Variants in TNFRSF14 observed in about 807,000 individuals in gnomAD.
TNFRSF14 encodes TNF receptor superfamily member 14, also known as tumor necrosis factor receptor superfamily member 14.
A neutral mutation model predicts 34.1 loss-of-function variants in TNFRSF14; 18 were observed. That is an observed-to-expected ratio of 0.53 (90% CI 0.36 to 0.78). The LOEUF is 0.78. Ranked by LOEUF, TNFRSF14 falls within the 30% of genes least tolerant of loss-of-function variation. The pLI, the probability that TNFRSF14 is intolerant of heterozygous loss-of-function variation, is 0.00. For synonymous variants in TNFRSF14, 157 were observed against 153.2 expected (o/e 1.02, Z -0.18); for missense variants, 352 against 379.5 (o/e 0.93, Z 0.60).
rs760953151 is a variant in TNFRSF14, at chr1:2,556,649, G to A, written c.-16G>A. On this transcript the variant is annotated 5_prime_UTR_variant, in exon 1 of 8. Transcript: ENST00000355716. Reference sequence around the variant, plus strand: ...CTGCTAGCTGGGTTCCCGAGCTGCCGGTCTGAGCCTGAGGCATGGAGCCTC... The same window carrying A: ...CTGCTAGCTGGGTTCCCGAGCTGCCAGTCTGAGCCTGAGGCATGGAGCCTC... The A allele has an allele frequency of 8.7e-6, 14 of 1,608,814 alleles. No individual in the cohort carries two copies. The highest frequency in any genetic ancestry group is 1.6e-4 in the Middle Eastern group (1 of 6,070).
rs952917038 is a variant in TNFRSF14, at chr1:2,562,131, G to A, written c.694+316G>A. 3.8e-5 allele frequency: 16 copies of A among 425,932 alleles called. 1 individual carries two copies. Among genetic ancestry groups the A allele is most frequent in the South Asian group, 2.3e-4 (6 of 26,516 alleles). The allele number at this position is 425,932 out of a possible 1,614,324, so 26.4% of individuals were successfully genotyped here. A position where few individuals can be genotyped will look rare whatever the true frequency, so the allele number is the denominator to read the frequency against. ...GAGCAGGACAGGCCCTGCTCAGCTGGGAGAAGCTCTGGGCTGAGGGTCAAC... is the reference window on the plus strand; with the variant it reads ...GAGCAGGACAGGCCCTGCTCAGCTGAGAGAAGCTCTGGGCTGAGGGTCAAC... On this transcript the variant is annotated intron_variant, in intron 6 of 7. Transcript: ENST00000355716.
chr1:2,561,853 A>G lies in TNFRSF14; in HGVS notation c.694+38A>G, dbSNP rs772414404. 6.3e-7 allele frequency: 1 copy of G among 1,596,956 alleles called. No homozygotes were observed. The highest frequency in any genetic ancestry group is 8.6e-7 in the Non-Finnish European group (1 of 1,169,496). On this transcript the variant is annotated intron_variant, in intron 6 of 7. Coordinates refer to ENST00000355716, the MANE Select transcript of TNFRSF14 (RefSeq NM_003820.4). The surrounding 1 kb of genome is among the most constrained non-coding windows in gnomAD (Gnocchi z 6.0). The stretch of plus-strand genomic sequence containing the variant: ...CGGCCCCATCAGGGCTCATGTCCCC[A>G]GCCGTCACCTCTTGGAGCTCTGTCA...
rs1309719895 is a variant in TNFRSF14 at position 2,563,747 on chromosome 1, C to G, written c.*474C>G. ...TGATTTTCTAAATTGGATTTGAATT[C>G]GGCTCCTGTTTTCTATTTGTCATGA... On this transcript the variant is annotated 3_prime_UTR_variant, in exon 8 of 8. Transcript: ENST00000355716. 4.2e-6 allele frequency: 1 copy of G among 237,604 alleles called. No homozygotes were observed. The highest frequency in any genetic ancestry group is 5.9e-5 in the East Asian group (1 of 16,808). The allele number at this position is 237,604 out of a possible 1,614,324, so 14.7% of individuals were successfully genotyped here. A position where few individuals can be genotyped will look rare whatever the true frequency, so the allele number is the denominator to read the frequency against.
intron 3 of TNFRSF14, chr1:2,558,936 C>T (rs1644261662): frequency 1.5e-6 from 2 of 1,365,374 alleles, no homozygotes; most frequent in Non-Finnish European, 1.9e-6. Flanking sequence ...CTGGTGCCCA[C>T]CTGAGTCCAG....
chr1:2,559,054 A>G, intron 3 of TNFRSF14: 1 of 1,369,254 alleles, frequency 7.3e-7, no homozygotes, highest in East Asian at 3.4e-5. Context: ...TGCCAGGCTC[A>G]GCATGGCCAG....
chr1:2,558,821 T>C, intron 3 of TNFRSF14: 1 of 1,327,784 alleles, frequency 7.5e-7, no homozygotes, highest in Non-Finnish European at 9.8e-7. Flanking sequence ...GCTGGGACTC[T>C]CCGGCCGGCA....
rs1644340539 is a variant in TNFRSF14, at chr1:2,563,381, C to G, written c.*108C>G. On this transcript the variant is annotated 3_prime_UTR_variant, in exon 8 of 8. Coordinates refer to ENST00000355716, the MANE Select transcript of TNFRSF14 (RefSeq NM_003820.4). The stretch of plus-strand genomic sequence containing the variant: ...AGCCCGGAGGCTTGGGGGCTCCGCC[C>G]TGGGCTGGCTTCCGTCTCCTCCAGT... 5.2e-6 allele frequency: 8 copies of G among 1,527,600 alleles called. No individual in the cohort carries two copies. Among genetic ancestry groups the G allele is most frequent in the Admixed American group, 2.0e-5 (1 of 49,892 alleles). 94.6% of individuals were successfully genotyped at this position (1,527,600 alleles called of 1,614,324 possible).
At position 2,557,716 on chromosome 1, in the gene TNFRSF14, A is replaced by G; in HGVS notation, c.70-10A>G. On this transcript the variant is annotated splice_polypyrimidine_tract_variant and intron_variant, in intron 1 of 7. Transcript: ENST00000355716. ...AGGGCATCTCCCAATGCCTGTCCTG[A>G]CCCCCTTAGGTGCTGTATCTCACCT... 6.3e-7 allele frequency: 1 copy of G among 1,587,018 alleles called. No homozygotes were observed. Among genetic ancestry groups the G allele is most frequent in the Non-Finnish European group, 8.6e-7 (1 of 1,164,462 alleles).
intron 5 of TNFRSF14, 121 bp downstream of exon 5, chr1:2,560,835 C>A: frequency 1.2e-6 from 1 of 846,480 alleles, no homozygotes; most frequent in Non-Finnish European, 1.9e-6. Flanking sequence ...GAGCGGCACC[C>A]TGGTCACATG....
rs149579135 is a variant in TNFRSF14, at chr1:2,561,507, AG to A, written c.552-165del. ...ACCTCCCCATAGCCGAGCTTGGAAA[AG>A]TCAGACAGACCTCTGAGGTCTCATC... On this transcript the variant is annotated intron_variant, in intron 5 of 7. Transcript: ENST00000355716. The surrounding 1 kb of genome is among the most constrained non-coding windows in gnomAD (Gnocchi z 6.0). 3.7e-4 allele frequency: 569 copies of A among 1,536,412 alleles called. 1 individual carries two copies. In the African/African-American group the frequency reaches 5.4e-3, roughly 14 times the overall value.
rs79549562 is a variant in TNFRSF14, at chr1:2,561,202, G to T, written c.552-471G>T. 5.8e-3 allele frequency: 2,430 copies of T among 421,998 alleles called. 11 individuals are homozygous for T. The highest frequency in any genetic ancestry group is 6.8e-3 in the Non-Finnish European group (1,619 of 237,332). The allele number at this position is 421,998 out of a possible 1,614,324, so 26.1% of individuals were successfully genotyped here. ...GTCCCCCAGCGGAGCCTGGGATGGA[G>T]CAGGGATGGCTGCCCCAGGGAGGGG... On this transcript the variant is annotated intron_variant, in intron 5 of 7. Coordinates refer to ENST00000355716, the MANE Select transcript of TNFRSF14 (RefSeq NM_003820.4). The surrounding 1 kb of genome is among the most constrained non-coding windows in gnomAD (Gnocchi z 6.0).
chr1:2,556,887 A>AC, intron 1 of TNFRSF14, 154 bp downstream of exon 1: 1 of 717,794 alleles, frequency 1.4e-6, no homozygotes, highest in Non-Finnish European at 2.3e-6. Flanking sequence ...GTCAACCCAG[A>AC]CCCCCAGCAC....
In TNFRSF14 at chr1:2,561,795, T is replaced by C; in HGVS notation, c.674T>C (p.Val225Ala). 1 of 1,613,714 alleles carries C rather than the reference T, an allele frequency of 6.2e-7. No homozygotes were observed. The highest frequency in any genetic ancestry group is 8.5e-7 in the Non-Finnish European group (1 of 1,179,942). ...TCCACAGTTGGCCTAATCATATGTG[T>C]GAAAAGAAGAAAGCCAAGGGGTGAG... The part of the protein sequence containing the change: ...VCSTVGLIIC[V>A]KRRKPRGDVV... The change falls in exon 6 of 8, where the codon GTG becomes GCG. Residue 225 changes from valine (V) to alanine (A), a missense_variant. Physicochemically the swap from Val to Ala is moderately conservative, Grantham distance 64. Transcript: ENST00000355716. This position sits in a 1 kb window ranked among gnomAD's most constrained non-coding sequence, Gnocchi z 6.0.
intron 6 of TNFRSF14, chr1:2,562,369 A>G (rs1256080970): frequency 4.4e-6 from 1 of 224,836 alleles, no homozygotes; most frequent in Non-Finnish European, 8.9e-6. Context: ...GCTTCTAAGC[A>G]TTGAGGTCTG....
chr1:2,555,415 C>A, upstream of TNFRSF14: 1 of 152,402 alleles, frequency 6.6e-6, no homozygotes, highest in Non-Finnish European at 1.5e-5. The surrounding 1 kb of genome is among the most constrained non-coding windows in gnomAD (Gnocchi z 6.3). Flanking sequence ...AACTCTCCTG[C>A]AGGTGAGGGT....
At position 2,561,939 on chromosome 1, in the gene TNFRSF14, C is replaced by A; in HGVS notation, c.694+124C>A. Reference sequence around the variant, plus strand: ...GGATCCGCGGCTCCTCCCAGGGCAGCCACTGCAGGCTGGGGCAGGTGGGCT... The same window carrying A: ...GGATCCGCGGCTCCTCCCAGGGCAGACACTGCAGGCTGGGGCAGGTGGGCT... On this transcript the variant is annotated intron_variant, in intron 6 of 7. Coordinates refer to ENST00000355716, the MANE Select transcript of TNFRSF14 (RefSeq NM_003820.4). The surrounding 1 kb of genome is among the most constrained non-coding windows in gnomAD (Gnocchi z 6.0). The A allele has an allele frequency of 9.2e-7, 1 of 1,092,602 alleles. No homozygotes were observed. Among genetic ancestry groups the A allele is most frequent in the Non-Finnish European group, 1.3e-6 (1 of 758,334 alleles). 67.7% of individuals were successfully genotyped at this position (1,092,602 alleles called of 1,614,324 possible).
At chr1:2,562,394 C>T in intron 6 of TNFRSF14, 1 of 240,540 alleles carries the variant, frequency 4.2e-6, no homozygotes, top group Non-Finnish European at 8.2e-6. Flanking sequence ...GAAAGTCAGC[C>T]CCATCCTCCA....
At chr1:2,558,088 A>G (rs912809860) in intron 2 of TNFRSF14, among the ~76,000 whole-genome samples, 4 of 152,168 alleles carry the variant, frequency 2.6e-5, no homozygotes, top group African/African-American at 9.7e-5. Context: ...GGCCAGAGAC[A>G]TGGGCTCGGG....
chr1:2,558,270 C>T lies in TNFRSF14; in HGVS notation c.179-73C>T, dbSNP rs562700411. On this transcript the variant is annotated intron_variant, in intron 2 of 7. Transcript: ENST00000355716. ...TGTCTCCCTGCTTGGGCTCTGGGCG[C>T]GGGTGGAGTGATGGGTGGGCTCCCG... 2.0e-5 allele frequency: 30 copies of T among 1,535,822 alleles called. 1 individual carries two copies. The African/African-American group carries it at 2.1e-4, about 11-fold the overall frequency.
Sources: allele counts gnomAD v4.1 joint callset (sites outside exome capture counted in the v4.1 genomes callset), GRCh38; gene constraint gnomAD v4.1.1; non-coding constraint Gnocchi (gnomAD v3.1); transcripts MANE v1.5; gene names NCBI Gene and HGNC (gene_info 2026-07-23, HGNC 2026-07-21).